NRXN3: variants seen among roughly 807,000 people sequenced by gnomAD.
NRXN3 encodes the protein neurexin III.
NRXN3 carries 32 observed loss-of-function variants against 137.6 expected under a neutral mutation model. The ratio of observed to expected loss-of-function variants is 0.23; its 90% CI spans 0.18 to 0.31. NRXN3 has a LOEUF of 0.31. Ranked by LOEUF, NRXN3 falls within the 10% of genes least tolerant of loss-of-function variation. The pLI is 1.00. For missense variants in NRXN3, 1,574 were observed against 2,062.5 expected (o/e 0.76, Z 4.59); for synonymous variants, 798 against 784.5 (o/e 1.02, Z -0.29).
chr14:79,657,437 C>T (rs1031018549), intron 16 of NRXN3, among the ~76,000 whole-genome samples: 2 of 152,146 alleles, frequency 1.3e-5, no homozygotes, highest in Non-Finnish European at 2.9e-5. Flanking sequence ...GCTCTACAGC[C>T]GTGGTCTTGT....
chr14:79,838,144 C>G (rs984008780), intron 20 of NRXN3, among the ~76,000 whole-genome samples: 1 of 152,234 alleles, frequency 6.6e-6, no homozygotes, highest in Middle Eastern at 3.4e-3. Flanking sequence ...CATGATTTTA[C>G]AAAGACAATA....
At chr14:79,200,028 C>T (rs1200062365) in intron 15 of NRXN3, 3 of 151,980 alleles carry the variant, frequency 2.0e-5, no homozygotes, top group East Asian at 3.9e-4. Context: ...GTTTCCTAGA[C>T]CCAGAGAAGG....
chr14:79,398,080 G>A, intron 15 of NRXN3, among the ~76,000 whole-genome samples: 1 of 152,160 alleles, frequency 6.6e-6, no homozygotes, highest in East Asian at 1.9e-4. Context: ...TCACAGCAAT[G>A]AAATTAATTG....
intron 4 of NRXN3, among the ~76,000 whole-genome samples, chr14:78,601,614 G>A (rs764354116): frequency 4.0e-5 from 6 of 151,858 alleles, no homozygotes; most frequent in Non-Finnish European, 7.4e-5. Flanking sequence ...CACCACGCCC[G>A]GCTAATTTTT....
chr14:78,719,253 G>A (rs1457751648), intron 8 of NRXN3, among the ~76,000 whole-genome samples: 1 of 152,144 alleles, frequency 6.6e-6, no homozygotes, highest in Non-Finnish European at 1.5e-5. Context: ...ATAACCTACA[G>A]TACAACATTT....
chr14:79,043,133 G>A (rs193215274), intron 15 of NRXN3, among the ~76,000 whole-genome samples: 90 of 152,228 alleles, frequency 5.9e-4, no homozygotes, highest in Middle Eastern at 3.4e-3. Context: ...AATGAAAGTG[G>A]TGGGAATTAT....
intron 3 of NRXN3, chr14:78,282,196 T>C: frequency 4.1e-6 from 2 of 484,530 alleles, no homozygotes; most frequent in South Asian, 1.5e-5. Context: ...TCACTGGTCT[T>C]CCTGGGCTGC....
At chr14:79,612,177 C>T (rs1306595153) in intron 16 of NRXN3, among the ~76,000 whole-genome samples, 2 of 152,186 alleles carry the variant, frequency 1.3e-5, no homozygotes, top group Non-Finnish European at 1.5e-5. Flanking sequence ...TTTTCCCCTT[C>T]TTTGCACACT....
intron 4 of NRXN3, among the ~76,000 whole-genome samples, chr14:78,603,251 G>A (rs2152442212): frequency 6.6e-6 from 1 of 152,194 alleles, no homozygotes; most frequent in Non-Finnish European, 1.5e-5. Flanking sequence ...GGCATTAAAA[G>A]GCCTGCCTGC....
At chr14:78,789,254 C>G (rs1441205312) in intron 8 of NRXN3, among the ~76,000 whole-genome samples, 1 of 152,154 alleles carries the variant, frequency 6.6e-6, no homozygotes, top group Non-Finnish European at 1.5e-5. Context: ...AACTTCCTAA[C>G]TGTGCTTTTT....
intron 8 of NRXN3, 127 bp downstream of exon 8, chr14:78,715,266 C>G: frequency 8.0e-7 from 1 of 1,245,870 alleles, no homozygotes; most frequent in Non-Finnish European, 1.1e-6. Context: ...TTTGGGTTTA[C>G]TGATTTCCAG....
intron 10 of NRXN3, among the ~76,000 whole-genome samples, chr14:78,902,994 T>C (rs1314293508): frequency 6.6e-6 from 1 of 151,872 alleles, no homozygotes; most frequent in Non-Finnish European, 1.5e-5. Context: ...TCAGATAAAA[T>C]GTTATTCTCT....
intron 16 of NRXN3, among the ~76,000 whole-genome samples, chr14:79,598,642 A>G (rs1024703873): frequency 1.3e-5 from 2 of 152,162 alleles, no homozygotes; most frequent in African/African-American, 4.8e-5. Context: ...CCTAAGCAGA[A>G]TCTCTTCTAC....
intron 4 of NRXN3, among the ~76,000 whole-genome samples, chr14:78,430,348 C>T (rs898777399): frequency 6.6e-6 from 1 of 152,118 alleles, no homozygotes; most frequent in African/African-American, 2.4e-5. Flanking sequence ...TGGGGTGAAC[C>T]CTGGGAATTA....
chr14:79,558,241 A>G (rs1266705031), intron 16 of NRXN3, among the ~76,000 whole-genome samples: 1 of 151,668 alleles, frequency 6.6e-6, no homozygotes, highest in Non-Finnish European at 1.5e-5. Flanking sequence ...TGATATTTTG[A>G]CCTCCCATGA....
chr14:79,517,403 C>T (rs527729458), intron 16 of NRXN3, among the ~76,000 whole-genome samples: 13 of 152,198 alleles, frequency 8.5e-5, no homozygotes, highest in Middle Eastern at 3.4e-3. Context: ...TTTTCCTCCC[C>T]TAGTTTTTTG....
At chr14:78,809,297 A>C (rs2153094525) in intron 9 of NRXN3, among the ~76,000 whole-genome samples, 1 of 146,760 alleles carries the variant, frequency 6.8e-6, no homozygotes, top group Admixed American at 7.0e-5. Context: ...AAAAACCAAA[A>C]AATTTTCTCT....
intron 2 of NRXN3, among the ~76,000 whole-genome samples, chr14:78,248,263 C>T (rs1040302236): frequency 2.9e-5 from 4 of 137,296 alleles, no homozygotes; most frequent in East Asian, 2.1e-4. Context: ...ATAAGCACAC[C>T]GTTGTGTGGT....
At chr14:79,725,302 G>A (rs913980187) in intron 19 of NRXN3, among the ~76,000 whole-genome samples, 3 of 152,172 alleles carry the variant, frequency 2.0e-5, no homozygotes, top group Non-Finnish European at 4.4e-5. Flanking sequence ...AGGCAAAAGT[G>A]GGCTTGGAAG....
Sources: allele counts gnomAD v4.1 joint callset (sites outside exome capture counted in the v4.1 genomes callset), GRCh38; gene constraint gnomAD v4.1.1; transcripts MANE v1.5; gene names NCBI Gene and HGNC (gene_info 2026-07-23, HGNC 2026-07-21).